HPCAL1: variants seen among roughly 807,000 people sequenced by gnomAD.
HPCAL1 encodes the protein hippocalcin like 1, also known as hippocalcin-like protein 1.
Under a neutral mutation model 17.1 loss-of-function variants are expected in HPCAL1, and 8 were observed. The ratio of observed to expected loss-of-function variants is 0.47; its 90% CI spans 0.27 to 0.84. The LOEUF (loss-of-function observed/expected upper bound fraction) is 0.84. Among genes scored for constraint, HPCAL1 ranks in the 40% least tolerant of loss-of-function variants. The pLI is 0.13. For missense variants in HPCAL1, 165 were observed against 271.1 expected (o/e 0.61, Z 2.75); for synonymous variants, 112 against 111.4 (o/e 1.01, Z -0.03).
chr2:10,381,336 T>G (rs1055598148), intron 1 of HPCAL1, among the ~76,000 whole-genome samples: 4 of 152,220 alleles, frequency 2.6e-5, no homozygotes, highest in African/African-American at 9.7e-5. Flanking sequence ...ACAGGGACCT[T>G]GACTCTCCCT....
At chr2:10,417,535 G>C (rs1055743033) in intron 2 of HPCAL1, among the ~76,000 whole-genome samples, 1 of 152,176 alleles carries the variant, frequency 6.6e-6, no homozygotes, top group African/African-American at 2.4e-5. Flanking sequence ...CTGTTGTGCA[G>C]CTTCTCTTTT....
Position 10,401,023 on chromosome 2 carries a change from G to A in HPCAL1, c.-25+4103G>A, listed in dbSNP as rs560975093. ...TCCCCATCTGGTTGGGAGATGCCAG[G>A]CAGAGGTGGAAGGAAGGGCGGCTGA... On this transcript the variant is annotated intron_variant, in intron 2 of 4. Transcript: ENST00000307845. 2.0e-5 allele frequency among the ~76,000 whole-genome samples: 3 copies of A among 152,344 alleles called. No individual in the cohort carries two copies. In the South Asian group the frequency reaches 6.2e-4, roughly 32 times the overall value.
chr2:10,375,380 C>G (rs532580599), intron 1 of HPCAL1, among the ~76,000 whole-genome samples: 82 of 152,328 alleles, frequency 5.4e-4, no homozygotes, highest in African/African-American at 1.9e-3. Flanking sequence ...AGTGGCCCCT[C>G]CCAGGACTCG....
At chr2:10,336,285 A>C (rs1039382671) in intron 1 of HPCAL1, among the ~76,000 whole-genome samples, 6 of 152,052 alleles carry the variant, frequency 3.9e-5, no homozygotes, top group African/African-American at 4.8e-5. Context: ...TGGGTGGATT[A>C]TCTTTTTCTT....
rs1290093805 is a variant in HPCAL1 at position 10,384,839 on chromosome 2, A to G, written c.-110-11996A>G. Reference sequence around the variant, plus strand: ...ATGTGAAAATAAAGATAGAGGCGACAGGCTGGGTGCGGTGGCTCATGCCTG... The same window carrying G: ...ATGTGAAAATAAAGATAGAGGCGACGGGCTGGGTGCGGTGGCTCATGCCTG... On this transcript the variant is annotated intron_variant, in intron 1 of 4. Coordinates refer to ENST00000307845, the MANE Select transcript of HPCAL1 (RefSeq NM_002149.4). The surrounding 1 kb of genome is among the most constrained non-coding windows in gnomAD (Gnocchi z 4.4). Among the ~76,000 whole-genome samples, 1 of 152,192 alleles carries G rather than the reference A, an allele frequency of 6.6e-6. No homozygotes were observed. Among genetic ancestry groups the G allele is most frequent in the Non-Finnish European group, 1.5e-5 (1 of 68,040 alleles).
At chr2:10,410,033 A>G (rs570564338) in intron 2 of HPCAL1, among the ~76,000 whole-genome samples, 1 of 140,494 alleles carries the variant, frequency 7.1e-6, no homozygotes, top group South Asian at 2.6e-4. Context: ...CAGACAATCC[A>G]CTGCCTTGGC....
chr2:10,360,078 CT>C (rs1666427323), intron 1 of HPCAL1, among the ~76,000 whole-genome samples: 1 of 152,224 alleles, frequency 6.6e-6, no homozygotes, highest in Non-Finnish European at 1.5e-5. Flanking sequence ...CTGGGGAGAG[CT>C]TTGCTGGAGG....
chr2:10,332,490 C>T (rs1480590711), intron 1 of HPCAL1, among the ~76,000 whole-genome samples: 1 of 152,086 alleles, frequency 6.6e-6, no homozygotes, highest in Non-Finnish European at 1.5e-5. Flanking sequence ...GTGGGCAAGG[C>T]AGGGTGGGAG....
chr2:10,358,682 T>A (rs1409425642), intron 1 of HPCAL1, among the ~76,000 whole-genome samples: 5 of 152,124 alleles, frequency 3.3e-5, no homozygotes, highest in African/African-American at 1.2e-4. Context: ...GGCAGGCCAC[T>A]GACCAGCAGA....
intron 2 of HPCAL1, among the ~76,000 whole-genome samples, chr2:10,410,059 G>C (rs1051841096): frequency 4.6e-5 from 7 of 152,176 alleles, no homozygotes; most frequent in African/African-American, 1.7e-4. Flanking sequence ...GAAGTGCTGG[G>C]ATGACAGGTG....
At chr2:10,399,561 G>GCTGCCA (rs1669447670) in intron 2 of HPCAL1, among the ~76,000 whole-genome samples, 1 of 18,464 alleles carries the variant, frequency 5.4e-5, no homozygotes. Flanking sequence ...CACCACTACC[G>GCTGCCA]CCACCGCCAC....
At chr2:10,346,129 A>AC (rs1484228997) in intron 1 of HPCAL1, among the ~76,000 whole-genome samples, 3 of 150,832 alleles carry the variant, frequency 2.0e-5, no homozygotes, top group African/African-American at 7.3e-5. Flanking sequence ...GGGTCCTCAG[A>AC]CCCCCCTTGG....
intron 1 of HPCAL1, among the ~76,000 whole-genome samples, chr2:10,317,926 C>T (rs1663422977): frequency 6.6e-6 from 1 of 152,198 alleles, no homozygotes; most frequent in South Asian, 2.1e-4. Flanking sequence ...CCTGGAACCT[C>T]TCTTGTTGTC....
intron 1 of HPCAL1, among the ~76,000 whole-genome samples, chr2:10,364,818 C>T (rs1364015952): frequency 1.3e-5 from 2 of 152,102 alleles, no homozygotes; most frequent in African/African-American, 4.8e-5. Context: ...CTCCTGGGCT[C>T]AAACAATCCT....
chr2:10,424,284 C>T, intron 4 of HPCAL1: 1 of 290,380 alleles, frequency 3.4e-6, no homozygotes, highest in South Asian at 2.9e-5. Flanking sequence ...AGTTTCAAAA[C>T]ACACACACAC....
intron 1 of HPCAL1, among the ~76,000 whole-genome samples, chr2:10,388,940 G>C (rs1668508710): frequency 6.6e-6 from 1 of 152,092 alleles, no homozygotes; most frequent in Non-Finnish European, 1.5e-5. Flanking sequence ...GCCCTTATAG[G>C]AAGAGGATGC....
At chr2:10,328,838 G>C (rs899252181) in intron 1 of HPCAL1, among the ~76,000 whole-genome samples, 2 of 151,812 alleles carry the variant, frequency 1.3e-5, no homozygotes, top group Non-Finnish European at 2.9e-5. Flanking sequence ...CCTTTTGTTC[G>C]ACATGTGGGG....
chr2:10,305,763 T>C (rs1662585472), intron 1 of HPCAL1, among the ~76,000 whole-genome samples: 1 of 152,200 alleles, frequency 6.6e-6, no homozygotes, highest in African/African-American at 2.4e-5. Flanking sequence ...ACACACTCCG[T>C]CCCCTTTCTG....
At chr2:10,410,086 G>T (rs940820644) in intron 2 of HPCAL1, among the ~76,000 whole-genome samples, 12 of 152,228 alleles carry the variant, frequency 7.9e-5, no homozygotes, top group African/African-American at 2.9e-4. Context: ...ACGGCGCCCC[G>T]GCCAGCCTGG....
Sources: gnomAD v4.1 joint callset for allele counts (sites outside exome capture counted in the v4.1 genomes callset) on GRCh38, gnomAD v4.1.1 for gene constraint, Gnocchi (gnomAD v3.1) non-coding constraint, MANE v1.5 for transcripts, NCBI Gene and HGNC (gene_info 2026-07-23, HGNC 2026-07-21) for gene names.